ARHGAP15: variants seen among roughly 807,000 people sequenced by gnomAD.
ARHGAP15 encodes rho GTPase-activating protein 15.
Under a neutral mutation model 63.7 loss-of-function variants are expected in ARHGAP15, and 51 were observed. The ratio of observed to expected loss-of-function variants is 0.80; its 90% CI spans 0.64 to 1.01. The LOEUF is 1.01. Among genes scored for constraint, ARHGAP15 ranks in the 50% least tolerant of loss-of-function variants. The pLI, the probability that ARHGAP15 is intolerant of heterozygous loss-of-function variation, is 0.00. For synonymous variants in ARHGAP15, 191 were observed against 193.8 expected, an observed-to-expected ratio of 0.99 and a Z score of 0.12; for missense variants, 560 against 564.6, an observed-to-expected ratio of 0.99 and a Z score of 0.08.
At chr2:143,406,777 A>G (rs1688216443) in intron 6 of ARHGAP15, among the ~76,000 whole-genome samples, 1 of 151,926 alleles carries the variant, frequency 6.6e-6, no homozygotes, top group South Asian at 2.1e-4. Context: ...TCTTGATCAT[A>G]TCATAGTTCA....
chr2:143,388,649 C>A (rs1687403792), intron 6 of ARHGAP15, among the ~76,000 whole-genome samples: 1 of 152,130 alleles, frequency 6.6e-6, no homozygotes, highest in Non-Finnish European at 1.5e-5. Flanking sequence ...TATACATACA[C>A]AATGCCTATA....
chr2:143,626,426 AG>A (rs1698837323), intron 12 of ARHGAP15, among the ~76,000 whole-genome samples: 1 of 152,114 alleles, frequency 6.6e-6, no homozygotes, highest in African/African-American at 2.4e-5. Context: ...GCTGACTTCA[AG>A]AATGGAGCCG....
At chr2:143,205,549 G>A (rs1381669919) in intron 3 of ARHGAP15, among the ~76,000 whole-genome samples, 1 of 152,058 alleles carries the variant, frequency 6.6e-6, no homozygotes, top group African/African-American at 2.4e-5. Flanking sequence ...AAAATTTAAT[G>A]GCTTTTGTTT....
At chr2:143,673,758 G>GTGTGTGTGTA (rs1553520615) in intron 12 of ARHGAP15, among the ~76,000 whole-genome samples, 4 of 22,116 alleles carry the variant, frequency 1.8e-4, no homozygotes, top group African/African-American at 2.4e-4. Context: ...GTGTGTGTGT[G>GTGTGTGTGTA]TATATATATA....
At chr2:143,176,670 T>C (rs889101868) in intron 2 of ARHGAP15, among the ~76,000 whole-genome samples, 1 of 152,172 alleles carries the variant, frequency 6.6e-6, no homozygotes, top group Non-Finnish European at 1.5e-5. Flanking sequence ...AGTATTTGCT[T>C]TTATAACACA....
intron 6 of ARHGAP15, among the ~76,000 whole-genome samples, chr2:143,410,950 T>G (rs1688416320): frequency 6.6e-6 from 1 of 151,916 alleles, no homozygotes; most frequent in Admixed American, 6.6e-5. Context: ...ACGCCTGTAA[T>G]CTCAGCACTT....
chr2:143,356,462 C>T (rs1027784199), intron 6 of ARHGAP15, among the ~76,000 whole-genome samples: 3 of 152,114 alleles, frequency 2.0e-5, no homozygotes, highest in Admixed American at 1.3e-4. Flanking sequence ...TAACAACTTG[C>T]ACAATTTGTA....
At chr2:143,417,712 T>C (rs891771220) in intron 6 of ARHGAP15, among the ~76,000 whole-genome samples, 1 of 152,240 alleles carries the variant, frequency 6.6e-6, no homozygotes, top group Non-Finnish European at 1.5e-5. Context: ...ATACTGTCTC[T>C]TGCTGTTCTG....
At chr2:143,489,876 A>C (rs898513669) in intron 9 of ARHGAP15, among the ~76,000 whole-genome samples, 3 of 152,238 alleles carry the variant, frequency 2.0e-5, no homozygotes, top group Non-Finnish European at 4.4e-5. Flanking sequence ...GATCGGCACA[A>C]AAGGCCTCTA....
chr2:143,228,510 C>A, intron 4 of ARHGAP15, 71 bp from the exon 5 acceptor site: 1 of 1,004,532 alleles, frequency 1.0e-6, no homozygotes, highest in Non-Finnish European at 1.5e-6. Flanking sequence ...CCAAATGTTG[C>A]TCATACTGTA....
intron 12 of ARHGAP15, among the ~76,000 whole-genome samples, chr2:143,651,674 A>C (rs973761757): frequency 6.6e-6 from 1 of 151,976 alleles, no homozygotes; most frequent in Admixed American, 6.6e-5. Context: ...ATCATTTTTC[A>C]TTCCTACCAG....
chr2:143,231,045 G>A (rs539100964), intron 5 of ARHGAP15, among the ~76,000 whole-genome samples: 1 of 147,946 alleles, frequency 6.8e-6, no homozygotes, highest in Admixed American at 6.7e-5. Flanking sequence ...CAGTTTTGAA[G>A]TTGGACTCTA....
chr2:143,678,193 C>T (rs1682921503), intron 12 of ARHGAP15, among the ~76,000 whole-genome samples: 1 of 152,072 alleles, frequency 6.6e-6, no homozygotes, highest in South Asian at 2.1e-4. Flanking sequence ...GCCTGGCTGA[C>T]AGAGCAAGAC....
intron 13 of ARHGAP15, among the ~76,000 whole-genome samples, chr2:143,758,383 C>T (rs1056778495): frequency 6.6e-6 from 1 of 151,738 alleles, no homozygotes; most frequent in African/African-American, 2.4e-5. Context: ...AGAAATTTGA[C>T]TAGGAAACAG....
intron 12 of ARHGAP15, among the ~76,000 whole-genome samples, chr2:143,638,253 A>G (rs2105266745): frequency 6.9e-6 from 1 of 144,164 alleles, no homozygotes; most frequent in Admixed American, 7.1e-5. Flanking sequence ...AACCAACCCA[A>G]ATGTCCAACA....
chr2:143,356,519 C>T (rs185830593), intron 6 of ARHGAP15, among the ~76,000 whole-genome samples: 155 of 152,146 alleles, frequency 1.0e-3, no homozygotes, highest in African/African-American at 3.7e-3. Context: ...TCCTTTCCCC[C>T]TTTAAGTTGG....
intron 8 of ARHGAP15, among the ~76,000 whole-genome samples, chr2:143,476,275 T>A (rs1014071667): frequency 1.3e-5 from 2 of 152,140 alleles, no homozygotes; most frequent in Non-Finnish European, 2.9e-5. Flanking sequence ...AATAATAATA[T>A]TTTCAAGTAA....
intron 12 of ARHGAP15, among the ~76,000 whole-genome samples, chr2:143,643,431 C>CCT: frequency 6.9e-6 from 1 of 145,878 alleles, no homozygotes; most frequent in African/African-American, 2.5e-5. Flanking sequence ...CCACCCACCC[C>CCT]CCCCCACCAA....
At chr2:143,644,645 CT>C (rs1256915607) in intron 12 of ARHGAP15, among the ~76,000 whole-genome samples, 1 of 152,046 alleles carries the variant, frequency 6.6e-6, no homozygotes, top group African/African-American at 2.4e-5. Flanking sequence ...TTTACAGTGA[CT>C]GGAACGTTGA....
Sources: allele counts gnomAD v4.1 joint callset (sites outside exome capture counted in the v4.1 genomes callset), GRCh38; gene constraint gnomAD v4.1.1; transcripts MANE v1.5; gene names NCBI Gene and HGNC (gene_info 2026-07-23, HGNC 2026-07-21).